Variants in LRRC45 observed in about 807,000 individuals in gnomAD.
LRRC45 encodes the protein leucine rich repeat containing 45, also known as leucine-rich repeat-containing protein 45.
A neutral mutation model predicts 85.4 loss-of-function variants in LRRC45; 73 were observed. That is an observed-to-expected ratio of 0.85 (90% CI 0.71 to 1.04). The LOEUF (loss-of-function observed/expected upper bound fraction) is 1.04, where lower values mean the gene tolerates loss of function less well. Ranked by LOEUF, LRRC45 falls within the 50% of genes least tolerant of loss-of-function variation. The pLI is 0.00. For missense variants in LRRC45, 937 were observed against 883.3 expected (o/e 1.06, Z -0.77); for synonymous variants, 429 against 386.0 (o/e 1.11, Z -1.31).
chr17:82,030,778 C>T lies in LRRC45; in HGVS notation c.1986C>T (p.Pro662=), dbSNP rs754733477. 5 of 1,420,428 alleles carry T rather than the reference C, an allele frequency of 3.5e-6. No individual in the cohort carries two copies. In the South Asian group the frequency reaches 6.2e-5, roughly 18 times the overall value. 88.0% of individuals were successfully genotyped at this position (1,420,428 alleles called of 1,614,324 possible). Residue 662 remains proline, a synonymous_variant, in exon 17 of 17, where the codon CCC becomes CCT. Coordinates refer to ENST00000306688, the MANE Select transcript of LRRC45 (RefSeq NM_144999.4). ...TCCTGGCTTACGTGCAGGCGTCCCC[C>T]GTGAGGACCCTGAGCCCCCCAAAGT... ...NAVLAYVQAS[P]VRTLSPPK
Position 82,030,715 on chromosome 17 carries a change from CGAG to C in LRRC45, c.1928_1930del (p.Glu643del). The C allele has an allele frequency of 1.3e-6, 2 of 1,497,476 alleles. No individual in the cohort carries two copies. Among genetic ancestry groups the C allele is most frequent in the Non-Finnish European group, 1.8e-6 (2 of 1,113,984 alleles). The allele number at this position is 1,497,476 out of a possible 1,614,324, so 92.8% of individuals were successfully genotyped here. On this transcript the variant is annotated inframe_deletion, in exon 17 of 17. Transcript: ENST00000306688. ...AGGCGGAGATCGCCCGCATCCGGGA[CGAG>C]GAGGCCCAGAGGGCGAGCTTCCTGC...
chr17:82,028,161 C>T lies in LRRC45; in HGVS notation c.1047+15C>T, dbSNP rs1453473054. 5.1e-6 allele frequency: 8 copies of T among 1,561,342 alleles called. No individual in the cohort carries two copies. In the East Asian group the frequency reaches 9.5e-5, roughly 18 times the overall value. On this transcript the variant is annotated intron_variant, in intron 9 of 16. Coordinates refer to ENST00000306688, the MANE Select transcript of LRRC45 (RefSeq NM_144999.4). Reference sequence around the variant, plus strand: ...TGGAGCAGCAGGTGGGTGGGCAGGGCTTGAGAGGGGTGGGCCAAGGGGTGC... The same window carrying T: ...TGGAGCAGCAGGTGGGTGGGCAGGGTTTGAGAGGGGTGGGCCAAGGGGTGC...
Position 82,030,647 on chromosome 17 carries a change from G to A in LRRC45, c.1855G>A (p.Glu619Lys), listed in dbSNP as rs2144151645. 2 of 1,427,652 alleles carry A rather than the reference G, an allele frequency of 1.4e-6. No individual in the cohort carries two copies. The highest frequency in any genetic ancestry group is 1.5e-5 in the African/African-American group (1 of 68,578). 88.4% of individuals were successfully genotyped at this position (1,427,652 alleles called of 1,614,324 possible). A position where few individuals can be genotyped will look rare whatever the true frequency, so the allele number is the denominator to read the frequency against. Residue 619 changes from glutamate (E) to lysine (K), a missense_variant, in exon 17 of 17, where the codon GAG (glutamate) becomes AAG (lysine). Coordinates refer to ENST00000306688, the MANE Select transcript of LRRC45 (RefSeq NM_144999.4). The part of the protein sequence containing the change: ...SDHREALLDR[E>K]SENASLREKL... ...CCACCGAGAGGCGCTGCTGGACAGGGAGAGCGAGAACGCGTCTCTCCGGGA... is the reference window on the plus strand; with the variant it reads ...CCACCGAGAGGCGCTGCTGGACAGGAAGAGCGAGAACGCGTCTCTCCGGGA...
intron 1 of LRRC45, 103 bp downstream of exon 1, chr17:82,023,966 C>A: frequency 1.7e-6 from 2 of 1,177,490 alleles, no homozygotes; most frequent in Non-Finnish European, 2.4e-6. Context: ...AATTTCTGTG[C>A]CGTAGTTAAA....
intron 12 of LRRC45, 163 bp downstream of exon 12, chr17:82,028,846 T>C (rs1412202402): frequency 9.2e-6 from 8 of 865,886 alleles, no homozygotes; most frequent in South Asian, 1.8e-5. Flanking sequence ...AACCTCCTAT[T>C]GGGGGCGGCG....
intron 8 of LRRC45, 80 bp from the exon 9 acceptor site, chr17:82,027,931 G>A: frequency 1.9e-6 from 3 of 1,540,888 alleles, no homozygotes; most frequent in Non-Finnish European, 2.6e-6. Flanking sequence ...TAGGTGCCCA[G>A]CAACAGTGAA....
At chr17:82,029,056 T>A (rs1245929043) in intron 12 of LRRC45, 37 bp from the exon 13 acceptor site, 2 of 1,580,892 alleles carry the variant, frequency 1.3e-6, no homozygotes. Context: ...GGAGGCCCGC[T>A]CTCCACTCTG....
chr17:82,026,066 C>T (rs924096529), intron 5 of LRRC45, among the ~76,000 whole-genome samples: 1 of 152,342 alleles, frequency 6.6e-6, no homozygotes, highest in Admixed American at 6.5e-5. Flanking sequence ...GCGGCAGCCT[C>T]TTCCAGCCCC....
In LRRC45 at chr17:82,025,432, C is replaced by T. The variant is rs746125010; in HGVS notation, c.586C>T (p.Leu196Phe). ...GGGGGGCCGGGCCCTCATGAACTGT[C>T]TCCCCAGCAACAGAACCCTGTGGAG... Reference protein sequence around the residue: ...LLGGRALMNCLPSNRTLWRLD... With the variant: ...LLGGRALMNCFPSNRTLWRLD... The change falls in exon 5 of 17, where the codon CTC becomes TTC. Residue 196 changes from leucine (L) to phenylalanine (F), a missense_variant. Transcript: ENST00000306688. 1.2e-6 allele frequency: 2 copies of T among 1,608,340 alleles called. No homozygotes were observed.
intron 7 of LRRC45, 45 bp from the exon 8 acceptor site, chr17:82,027,629 C>T: frequency 6.3e-7 from 1 of 1,592,222 alleles, no homozygotes; most frequent in Non-Finnish European, 8.6e-7. Flanking sequence ...TATGGGAGCG[C>T]TCTGGGGTTT....
At position 82,025,174 on chromosome 17, in the gene LRRC45, G is replaced by A; in HGVS notation, c.528G>A (p.Gln176=). 1.3e-6 allele frequency: 2 copies of A among 1,591,778 alleles called. No individual in the cohort carries two copies. The highest frequency in any genetic ancestry group is 2.3e-5 in the South Asian group (2 of 88,770). The change falls in exon 4 of 17, where the codon CAG becomes CAA. Residue 176 remains glutamine (Q), a synonymous_variant. Transcript: ENST00000306688. ...LALKGNTTLQ[Q]LDLRWNNVGL... ...TGAAGGGCAACACCACCCTCCAGCAGCTGGGTGAGGCCTCCCAGGCGCCCT... is the reference window on the plus strand; with the variant it reads ...TGAAGGGCAACACCACCCTCCAGCAACTGGGTGAGGCCTCCCAGGCGCCCT...
intron 5 of LRRC45, among the ~76,000 whole-genome samples, chr17:82,026,563 T>TC (rs570669624): frequency 0.04 from 5,427 of 137,134 alleles, 353 homozygotes; most frequent in African/African-American, 0.14. Context: ...ACACAGCTCC[T>TC]TTGTGTGTGT....
Position 82,028,090 on chromosome 17 carries a change from C to G in LRRC45, c.991C>G (p.Gln331Glu), listed in dbSNP as rs1323529091. The G allele has an allele frequency of 8.2e-6, 13 of 1,587,474 alleles. No homozygotes were observed. Among genetic ancestry groups the G allele is most frequent in the Non-Finnish European group, 1.1e-5 (13 of 1,168,568 alleles). The change falls in exon 9 of 17, where the codon CAG becomes GAG. Residue 331 changes from glutamine to glutamate, a missense_variant. By Grantham distance (29) the Gln-to-Glu change is conservative. Transcript: ENST00000306688. Reference protein sequence around the residue: ...DLGELLATAEQEQLSLSQRQA... With the variant: ...DLGELLATAEEEQLSLSQRQA... ...GGGGGAGCTCCTGGCCACAGCGGAGCAGGAGCAGCTGAGCCTGTCACAGAG... is the reference window on the plus strand; with the variant it reads ...GGGGGAGCTCCTGGCCACAGCGGAGGAGGAGCAGCTGAGCCTGTCACAGAG...
At position 82,030,363 on chromosome 17, in the gene LRRC45, G is replaced by A; in HGVS notation, c.1713G>A (p.Arg571=). 6.5e-7 allele frequency: 1 copy of A among 1,549,886 alleles called. No homozygotes were observed. Among genetic ancestry groups the A allele is most frequent in the African/African-American group, 1.4e-5 (1 of 73,198 alleles). Residue 571 remains arginine (R), a synonymous_variant, in exon 16 of 17, where the codon AGG becomes AGA. Coordinates refer to ENST00000306688, the MANE Select transcript of LRRC45 (RefSeq NM_144999.4). ...KDQERVAEVS[R]VRVELQEQNG... is the part of the protein sequence containing the mutation. Reference sequence around the variant, plus strand: ...AGGAAAGGGTGGCCGAGGTGAGCAGGGTGCGCGTGGAGCTGCAGGAGCAGA... The same window carrying A: ...AGGAAAGGGTGGCCGAGGTGAGCAGAGTGCGCGTGGAGCTGCAGGAGCAGA...
Position 82,030,415 on chromosome 17 carries a change from G to C in LRRC45, c.1765G>C (p.Ala589Pro). Residue 589 changes from alanine to proline, a missense_variant, in exon 16 of 17, where the codon GCT (alanine) becomes CCT (proline). Physicochemically the swap from Ala to Pro is conservative, Grantham distance 27 (BLOSUM62 -1). Coordinates refer to ENST00000306688, the MANE Select transcript of LRRC45 (RefSeq NM_144999.4). Reference sequence around the variant, plus strand: ...CGGCCGGCTGCAGGCGGAGCTGGCGGCTCAGGAGGCGCTGAGGGAGAAGGC... The same window carrying C: ...CGGCCGGCTGCAGGCGGAGCTGGCGCCTCAGGAGGCGCTGAGGGAGAAGGC... ...QNGRLQAELA[A>P]QEALREKAAA... 1 of 1,549,366 alleles carries C rather than the reference G, an allele frequency of 6.5e-7. No individual in the cohort carries two copies. Among genetic ancestry groups the C allele is most frequent in the Non-Finnish European group, 8.7e-7 (1 of 1,147,022 alleles).
At position 82,028,104 on chromosome 17, in the gene LRRC45, C is replaced by T. The variant is rs1340569814; in HGVS notation, c.1005C>T (p.Ser335=). Residue 335 remains serine (S), a synonymous_variant, in exon 9 of 17, where the codon AGC becomes AGT. Coordinates refer to ENST00000306688, the MANE Select transcript of LRRC45 (RefSeq NM_144999.4). ...LLATAEQEQL[S]LSQRQAKELK... ...CCACAGCGGAGCAGGAGCAGCTGAG[C>T]CTGTCACAGAGGCAGGCCAAGGAGC... is the stretch of plus-strand genomic sequence containing the variant. 3 of 1,579,436 alleles carry T rather than the reference C, an allele frequency of 1.9e-6. No individual in the cohort carries two copies. Among genetic ancestry groups the T allele is most frequent in the East Asian group, 2.3e-5 (1 of 43,182 alleles).
intron 6 of LRRC45, 131 bp downstream of exon 6, chr17:82,027,142 G>C: frequency 1.1e-6 from 1 of 905,204 alleles, no homozygotes. Flanking sequence ...TGAGTGGCTG[G>C]TACCAGGAAG....
intron 13 of LRRC45, 99 bp downstream of exon 13, chr17:82,029,284 C>A: frequency 1.6e-6 from 2 of 1,234,196 alleles, no homozygotes; most frequent in Non-Finnish European, 1.1e-6. Context: ...AGACCTCTTC[C>A]TGTTCCCAGA....
chr17:82,029,053 C>T (rs774633545), intron 12 of LRRC45, 40 bp from the exon 13 acceptor site: 14 of 1,569,222 alleles, frequency 8.9e-6, no homozygotes, highest in South Asian at 2.3e-5. Context: ...TAGGGAGGCC[C>T]GCTCTCCACT....
Sources: gnomAD v4.1 joint callset for allele counts (sites outside exome capture counted in the v4.1 genomes callset) on GRCh38, gnomAD v4.1.1 for gene constraint, MANE v1.5 for transcripts, NCBI Gene and HGNC (gene_info 2026-07-23, HGNC 2026-07-21) for gene names.